The following RARS2 variants were observed in gnomAD, a reference collection of about 807,000 sequenced individuals.
The protein encoded by RARS2 is probable arginine--tRNA ligase, mitochondrial.
A neutral mutation model predicts 88.5 loss-of-function variants in RARS2; 67 were observed. That is an observed-to-expected ratio of 0.76 (90% CI 0.62 to 0.93). RARS2 has a LOEUF of 0.93. Ranked by LOEUF, RARS2 falls within the 40% of genes least tolerant of loss-of-function variation. The pLI is 0.00. For synonymous variants in RARS2, 239 were observed against 230.3 expected (o/e 1.04, Z -0.34); for missense variants, 664 against 684.2 (o/e 0.97, Z 0.33).
rs748445059 is a variant in RARS2 at position 87,524,529 on chromosome 6, A to G, written c.974+28T>C. On this transcript the variant is annotated intron_variant, in intron 11 of 19. Transcript: ENST00000369536. ...TCTGAAAGCAACAGATTTAGAACCA[A>G]ATGTTGACCCTCACAGAGGCTACAA... 2.6e-6 allele frequency: 4 copies of G among 1,518,990 alleles called. No homozygotes were observed. The South Asian group carries it at 4.5e-5, about 17-fold the overall frequency. The allele number at this position is 1,518,990 out of a possible 1,614,324, so 94.1% of individuals were successfully genotyped here.
At chr6:87,567,795 G>A (rs1230571104) in intron 2 of RARS2, among the ~76,000 whole-genome samples, 1 of 152,008 alleles carries the variant, frequency 6.6e-6, no homozygotes, top group East Asian at 1.9e-4. Flanking sequence ...TTTTTGAGAC[G>A]GAGTCTCGCT....
At chr6:87,568,808 C>T (rs1374740558) in intron 2 of RARS2, among the ~76,000 whole-genome samples, 1 of 152,152 alleles carries the variant, frequency 6.6e-6, no homozygotes, top group Non-Finnish European at 1.5e-5. Context: ...GAATAAAATA[C>T]AAGGACAGAA....
chr6:87,541,786 T>C (rs977652223), intron 8 of RARS2, 132 bp downstream of exon 8: 8 of 663,420 alleles, frequency 1.2e-5, no homozygotes, highest in Non-Finnish European at 2.1e-5. Context: ...ATTGCACCAC[T>C]GCACTCCAGC....
At chr6:87,560,059 A>G (rs983223003) in intron 4 of RARS2, among the ~76,000 whole-genome samples, 1 of 152,246 alleles carries the variant, frequency 6.6e-6, no homozygotes, top group Admixed American at 6.5e-5. Context: ...ATGATGTCCC[A>G]TAATAACAAA....
chr6:87,581,707 T>C (rs868323503), intron 1 of RARS2, among the ~76,000 whole-genome samples: 28 of 152,262 alleles, frequency 1.8e-4, no homozygotes, highest in African/African-American at 6.7e-4. Context: ...CACCTAGGTA[T>C]TAAGCACCAC....
At chr6:87,569,886 C>T (rs1448428586) in intron 1 of RARS2, among the ~76,000 whole-genome samples, 1 of 146,278 alleles carries the variant, frequency 6.8e-6, no homozygotes, top group African/African-American at 2.5e-5. Context: ...ACTTTACCTT[C>T]GTAAATTAAA....
chr6:87,565,638 A>C (rs1034774554), intron 2 of RARS2, among the ~76,000 whole-genome samples: 14 of 152,214 alleles, frequency 9.2e-5, no homozygotes, highest in Non-Finnish European at 1.6e-4. Context: ...GACAGTACTC[A>C]TTACATCATT....
Position 87,569,851 on chromosome 6 carries a change from C to T in RARS2, c.37-261G>A, listed in dbSNP as rs553423681. ...AGGGGAGGATTTGACCATAAATTAA[C>T]AGAACTGTTTAGCAAAAAGAATGAA... On this transcript the variant is annotated intron_variant, in intron 1 of 19. Coordinates refer to ENST00000369536, the MANE Select transcript of RARS2 (RefSeq NM_020320.5). Among the ~76,000 whole-genome samples the T allele has an allele frequency of 1.2e-4, 18 of 147,156 alleles. No individual in the cohort carries two copies. In the Middle Eastern group the frequency reaches 0.01, roughly 85 times the overall value.
intron 4 of RARS2, among the ~76,000 whole-genome samples, chr6:87,557,782 C>G (rs1365059929): frequency 6.6e-6 from 1 of 152,182 alleles, no homozygotes; most frequent in Admixed American, 6.6e-5. Context: ...TTTGTAGGCT[C>G]TTCTTCCACC....
chr6:87,528,925 A>C (rs1257751847), intron 10 of RARS2, among the ~76,000 whole-genome samples: 1 of 152,224 alleles, frequency 6.6e-6, no homozygotes, highest in Non-Finnish European at 1.5e-5. Flanking sequence ...AATTAACTTG[A>C]TTTCAACATT....
chr6:87,542,064 G>T (rs182917994), intron 7 of RARS2, 70 bp from the exon 8 acceptor site: 1 of 1,219,866 alleles, frequency 8.2e-7, no homozygotes, highest in Non-Finnish European at 1.2e-6. Context: ...CAGGGAATAG[G>T]TATAATTCTA....
In RARS2 at chr6:87,529,898, T is replaced by TA. The variant is rs11366765; in HGVS notation, c.772-251dup. ...TGGCGAGGACCTCATTATTTTTGTT[T>TA]AAAAAAAAAAAAAAATCACTCCTCT... On this transcript the variant is annotated intron_variant, in intron 9 of 19. Coordinates refer to ENST00000369536, the MANE Select transcript of RARS2 (RefSeq NM_020320.5). Among the ~76,000 whole-genome samples, 761 of 144,760 alleles carry TA rather than the reference T, an allele frequency of 5.3e-3. 3 individuals carry two copies. Among genetic ancestry groups the TA allele is most frequent in the South Asian group, 0.026 (118 of 4,574 alleles). The allele number at this position is 144,760 out of a possible 152,430, so 95.0% of individuals were successfully genotyped here.
At chr6:87,558,542 T>C (rs1786736293) in intron 4 of RARS2, among the ~76,000 whole-genome samples, 1 of 152,182 alleles carries the variant, frequency 6.6e-6, no homozygotes, top group South Asian at 2.1e-4. Flanking sequence ...CAAGTAACAA[T>C]GTGTCAGTCA....
intron 1 of RARS2, among the ~76,000 whole-genome samples, chr6:87,587,479 G>T (rs914327991): frequency 6.6e-6 from 1 of 152,136 alleles, no homozygotes; most frequent in Non-Finnish European, 1.5e-5. Context: ...TTACACTGCT[G>T]TATAAATCCA....
rs771658534 is a variant in RARS2, at chr6:87,518,876, T to C, written c.1253A>G (p.Lys418Arg). The C allele has an allele frequency of 1.3e-4, 212 of 1,614,002 alleles. No individual in the cohort carries two copies. The highest frequency in any genetic ancestry group is 1.6e-4 in the Non-Finnish European group (190 of 1,179,998). The change falls in exon 15 of 20, where the codon AAG becomes AGG. Residue 418 changes from lysine (K) to arginine (R), a missense_variant. Transcript: ENST00000369536. ...CCTCTCTGCAGTCTCTTGTGGGTTC[T>C]TGAGTTCTTTAGTTGCTGAAACAGA... ...MASIKTTKEL[K>R]NPQETAERVG...
chr6:87,540,708 C>A (rs1190991601), intron 8 of RARS2, among the ~76,000 whole-genome samples: 1 of 152,022 alleles, frequency 6.6e-6, no homozygotes. Flanking sequence ...GCAGAGATAA[C>A]AACAGGGACA....
At chr6:87,584,876 TAAGACAACCG>T (rs1232199253) in intron 1 of RARS2, 3 of 308,364 alleles carry the variant, frequency 9.7e-6, no homozygotes, top group Admixed American at 4.6e-5. Context: ...AAGGGATGTC[TAAGACAACCG>T]AAGTCAACCC....
At chr6:87,551,871 G>A (rs1444140150) in intron 5 of RARS2, among the ~76,000 whole-genome samples, 1 of 152,124 alleles carries the variant, frequency 6.6e-6, no homozygotes, top group Non-Finnish European at 1.5e-5. Context: ...GGCTACCACT[G>A]CTTCCCATGA....
chr6:87,561,984 A>G (rs1442250352), intron 4 of RARS2, among the ~76,000 whole-genome samples: 1 of 152,198 alleles, frequency 6.6e-6, no homozygotes, highest in Non-Finnish European at 1.5e-5. Flanking sequence ...TTTTATTTTG[A>G]GACAAGGTCT....
Sources: gnomAD v4.1 joint callset for allele counts (sites outside exome capture counted in the v4.1 genomes callset) on GRCh38, gnomAD v4.1.1 for gene constraint, MANE v1.5 for transcripts, NCBI Gene and HGNC (gene_info 2026-07-23, HGNC 2026-07-21) for gene names.